Variants in CRY2 observed in about 807,000 individuals in gnomAD.
CRY2 encodes the protein cryptochrome-2.
A neutral mutation model predicts 69.5 loss-of-function variants in CRY2; 31 were observed. That is an observed-to-expected ratio of 0.45 (90% CI 0.34 to 0.60). CRY2 has a LOEUF of 0.60. CRY2 is among the 20% of genes least tolerant of loss of function. The probability of loss-of-function intolerance (pLI) is 0.02; values close to 1 mark genes in which losing one functional copy is unlikely to be tolerated. For missense variants in CRY2, 606 were observed against 797.8 expected, an observed-to-expected ratio of 0.76 and a Z score of 2.90; for synonymous variants, 303 against 312.2, an observed-to-expected ratio of 0.97 and a Z score of 0.31.
chr11:45,867,554 A>AT lies in CRY2; in HGVS notation c.742-52dup, dbSNP rs1565061133. On this transcript the variant is annotated intron_variant, in intron 5 of 11. Coordinates refer to ENST00000616080, the MANE Select transcript of CRY2 (RefSeq NM_021117.5). Reference sequence around the variant, plus strand: ...GATTCCTTAACCACCCAATGCCTCCATTTTTTCCTCTGTTACATCCAAGCC... The same window carrying AT: ...GATTCCTTAACCACCCAATGCCTCCATTTTTTTCCTCTGTTACATCCAAGCC... The AT allele has an allele frequency of 2.5e-6, 4 of 1,605,108 alleles. No individual in the cohort carries two copies. The South Asian group carries it at 3.3e-5, about 13-fold the overall frequency.
upstream of CRY2, chr11:45,847,224 A>G (rs1405287926): frequency 2.3e-5 from 35 of 1,550,860 alleles, no homozygotes; most frequent in Non-Finnish European, 3.1e-5. Flanking sequence ...GCCTGCGGAC[A>G]GCCCCAGCCT....
rs577867257 is a variant in CRY2 at position 45,847,511 on chromosome 11, G to A, written c.21G>A (p.Thr7=). MAATVA[T]AAAVAPAPAP... is the part of the protein sequence containing the mutation. Reference sequence around the variant, plus strand: ...CAGTCATGGCGGCGACTGTGGCGACGGCGGCAGCTGTGGCCCCGGCGCCAG... The same window carrying A: ...CAGTCATGGCGGCGACTGTGGCGACAGCGGCAGCTGTGGCCCCGGCGCCAG... The change falls in exon 1 of 12, where the codon ACG becomes ACA. Residue 7 remains threonine (T), a synonymous_variant. Transcript: ENST00000616080. The A allele has an allele frequency of 1.6e-5, 26 of 1,592,202 alleles. No individual in the cohort carries two copies. The South Asian group carries it at 2.4e-4, about 14-fold the overall frequency.
At chr11:45,861,282 T>G (rs2086286236) in intron 4 of CRY2, 1 of 462,934 alleles carries the variant, frequency 2.2e-6, no homozygotes, top group Non-Finnish European at 3.9e-6. Context: ...CATGCCTCTA[T>G]TTTTGTACTA....
At chr11:45,875,195 C>G (rs926356494) in intron 11 of CRY2, among the ~76,000 whole-genome samples, 1 of 152,206 alleles carries the variant, frequency 6.6e-6, no homozygotes, top group Non-Finnish European at 1.5e-5. Context: ...CTAATGGTGA[C>G]TGCTTTATAG....
intron 11 of CRY2, among the ~76,000 whole-genome samples, chr11:45,873,206 A>G (rs1219572451): frequency 6.6e-6 from 1 of 152,198 alleles, no homozygotes; most frequent in Non-Finnish European, 1.5e-5. Context: ...TTCCTTATGC[A>G]CCATGTCTTC....
rs553944127 is a variant in CRY2, at chr11:45,881,338, T to A, written c.*427T>A. The A allele has an allele frequency of 4.5e-4, 69 of 152,776 alleles. No individual in the cohort carries two copies. The highest frequency in any genetic ancestry group is 1.6e-3 in the African/African-American group (67 of 41,594). 9.5% of individuals were successfully genotyped at this position (152,776 alleles called of 1,614,324 possible). On this transcript the variant is annotated 3_prime_UTR_variant, in exon 12 of 12. Coordinates refer to ENST00000616080, the MANE Select transcript of CRY2 (RefSeq NM_021117.5). The stretch of plus-strand genomic sequence containing the variant: ...GGCTGTGGAGCAGGAGCACAGCAGT[T>A]CTGGCTGTTGTCCAAAGCATGGGAT...
chr11:45,867,594 C>G lies in CRY2; in HGVS notation c.742-18C>G. 1 of 1,613,960 alleles carries G rather than the reference C, an allele frequency of 6.2e-7. No individual in the cohort carries two copies. The highest frequency in any genetic ancestry group is 2.2e-5 in the East Asian group (1 of 44,888). Reference sequence around the variant, plus strand: ...ACATCCAAGCCTTTCCTTTTGCCACCTTCTCTTTCTGCTGTAGGCCTGGGT... The same window carrying G: ...ACATCCAAGCCTTTCCTTTTGCCACGTTCTCTTTCTGCTGTAGGCCTGGGT... On this transcript the variant is annotated intron_variant, in intron 5 of 11. Coordinates refer to ENST00000616080, the MANE Select transcript of CRY2 (RefSeq NM_021117.5).
At chr11:45,848,543 G>C (rs1471513336) in intron 1 of CRY2, among the ~76,000 whole-genome samples, 1 of 152,184 alleles carries the variant, frequency 6.6e-6, no homozygotes, top group Non-Finnish European at 1.5e-5. Context: ...ATGATATCAA[G>C]GGCCCCTCTG....
At chr11:45,874,674 G>A (rs2086412396) in intron 11 of CRY2, among the ~76,000 whole-genome samples, 1 of 152,218 alleles carries the variant, frequency 6.6e-6, no homozygotes, top group Admixed American at 6.5e-5. Context: ...GCCGGGCGTG[G>A]TGGCTCACAC....
chr11:45,855,396 A>G (rs922245146), intron 1 of CRY2, among the ~76,000 whole-genome samples: 1 of 152,196 alleles, frequency 6.6e-6, no homozygotes, highest in Non-Finnish European at 1.5e-5. Context: ...CACCAGAGTA[A>G]GGAGGATTTT....
chr11:45,880,261 C>T (rs2086460985), intron 11 of CRY2, among the ~76,000 whole-genome samples: 1 of 152,210 alleles, frequency 6.6e-6, no homozygotes, highest in African/African-American at 2.4e-5. Context: ...ACAGACAACT[C>T]AGCATTGTGA....
chr11:45,847,160 G>T, upstream of CRY2: 1 of 1,544,700 alleles, frequency 6.5e-7, no homozygotes, highest in Non-Finnish European at 8.7e-7. Flanking sequence ...GTGGGTAAGA[G>T]ATCCGCTGTC....
Position 45,882,971 on chromosome 11 carries a change from C to T in CRY2, c.*2060C>T, listed in dbSNP as rs541375992. On this transcript the variant is annotated 3_prime_UTR_variant, in exon 12 of 12. Transcript: ENST00000616080. ...CCTGCCAGTGGAGTCAGGCAGTGCA[C>T]TCCTGGAGCCAAGAGGGAAGGGCAG... The T allele has an allele frequency of 2.8e-6, 1 of 363,512 alleles. No individual in the cohort carries two copies. Among genetic ancestry groups the T allele is most frequent in the South Asian group, 1.5e-4 (1 of 6,684 alleles). 22.5% of individuals were successfully genotyped at this position (363,512 alleles called of 1,614,324 possible).
intron 9 of CRY2, 121 bp from the exon 10 acceptor site, chr11:45,870,721 G>A (rs2086372256): frequency 3.7e-6 from 4 of 1,094,076 alleles, no homozygotes; most frequent in Admixed American, 2.0e-5. Context: ...GGGGCTGTGG[G>A]AGGAAATGGA....
At chr11:45,875,352 T>C (rs2086417195) in intron 11 of CRY2, among the ~76,000 whole-genome samples, 1 of 152,226 alleles carries the variant, frequency 6.6e-6, no homozygotes, top group Admixed American at 6.5e-5. Flanking sequence ...GAGTCTGCTA[T>C]GTACTCTTTG....
rs778447557 is a variant in CRY2 at position 45,870,399 on chromosome 11, A to G, written c.1416A>G (p.Ser472=). 10 of 1,614,128 alleles carry G rather than the reference A, an allele frequency of 6.2e-6. No homozygotes were observed. The East Asian group carries it at 2.2e-4, about 36-fold the overall frequency. The change falls in exon 9 of 12, where the codon TCA becomes TCG. Residue 472 remains serine (S), a synonymous_variant. Coordinates refer to ENST00000616080, the MANE Select transcript of CRY2 (RefSeq NM_021117.5). Reference sequence around the variant, plus strand: ...ATGAGCCCTGGAATGCCCCAGAGTCAATTCAGAAGGCAGCCAAGTGCATCA... The same window carrying G: ...ATGAGCCCTGGAATGCCCCAGAGTCGATTCAGAAGGCAGCCAAGTGCATCA... ...YIYEPWNAPE[S]IQKAAKCIIG... is the part of the protein sequence containing the mutation.
intron 4 of CRY2, 46 bp downstream of exon 4, chr11:45,861,078 G>T: frequency 6.5e-7 from 1 of 1,549,254 alleles, no homozygotes. Context: ...GCCTGCTTTT[G>T]TGTAAAGAAA....
chr11:45,859,112 A>T (rs1214726334), intron 3 of CRY2, among the ~76,000 whole-genome samples: 3 of 152,056 alleles, frequency 2.0e-5, no homozygotes, highest in Admixed American at 6.6e-5. Context: ...AGCAGTGAGG[A>T]CCCACACTCA....
chr11:45,869,662 G>A lies in CRY2; in HGVS notation c.1039G>A (p.Ala347Thr), dbSNP rs974861643. Reference sequence around the variant, plus strand: ...CTGGGACCGCAATCCTGAGGCCCTGGCCAAGTGGGCTGAGGGCAAGACAGG... The same window carrying A: ...CTGGGACCGCAATCCTGAGGCCCTGACCAAGTGGGCTGAGGGCAAGACAGG... ...IPWDRNPEAL[A>T]KWAEGKTGFP... The change falls in exon 7 of 12, where the codon GCC (alanine) becomes ACC (threonine). Residue 347 changes from alanine to threonine, a missense_variant. Physicochemically the swap from Ala to Thr is moderately conservative, Grantham distance 58 (BLOSUM62 0). This residue lies in a region of CRY2 where 382 missense variants were observed against 508.9 expected (regional missense o/e 0.75). Transcript: ENST00000616080. 3 of 1,614,132 alleles carry A rather than the reference G, an allele frequency of 1.9e-6. No individual in the cohort carries two copies. In the African/African-American group the frequency reaches 4.0e-5, roughly 22 times the overall value.
Sources: gnomAD v4.1 joint callset for allele counts (sites outside exome capture counted in the v4.1 genomes callset) on GRCh38, gnomAD v4.1.1 for gene constraint, gnomAD v4.1.1 regional missense constraint, MANE v1.5 for transcripts, NCBI Gene and HGNC (gene_info 2026-07-23, HGNC 2026-07-21) for gene names.